PLS1: variants seen among roughly 807,000 people sequenced by gnomAD.
PLS1 encodes the protein plastin-1.
PLS1 carries 32 observed loss-of-function variants against 73.7 expected under a neutral mutation model. The ratio of observed to expected loss-of-function variants is 0.43; its 90% CI spans 0.33 to 0.58. The LOEUF is 0.58. Ranked by LOEUF, PLS1 falls within the 20% of genes least tolerant of loss-of-function variation. The pLI is 0.04. For missense variants in PLS1, 633 were observed against 740.5 expected (o/e 0.85, Z 1.68); for synonymous variants, 217 against 261.3 (o/e 0.83, Z 1.63).
At chr3:142,698,219 A>C (rs559852612) in intron 12 of PLS1, 152 bp downstream of exon 12, 1 of 546,150 alleles carries the variant, frequency 1.8e-6, no homozygotes. Flanking sequence ...AGTTTGCTTT[A>C]ATAAATTTGA....
At position 142,600,876 on chromosome 3, in the gene PLS1, TCATATATATATA is replaced by T. The variant is rs1387611311; in HGVS notation, c.-37+4368_-37+4379del. Among the ~76,000 whole-genome samples the T allele has an allele frequency of 1.2e-3, 80 of 65,460 alleles. 1 individual carries two copies. The highest frequency in any genetic ancestry group is 3.8e-3 in the African/African-American group (58 of 15,210). The allele number at this position is 65,460 out of a possible 152,430, so 42.9% of individuals were successfully genotyped here. A position where few individuals can be genotyped will look rare whatever the true frequency, so the allele number is the denominator to read the frequency against. ...GGGGAAGGGAAGGGTTGGCCTGGTT[TCATATATATATA>T]TATATATATATATATATATATATAT... On this transcript the variant is annotated intron_variant, in intron 1 of 15. Transcript: ENST00000457734.
At chr3:142,659,327 C>G (rs1309191061) in intron 1 of PLS1, among the ~76,000 whole-genome samples, 2 of 151,938 alleles carry the variant, frequency 1.3e-5, no homozygotes, top group Non-Finnish European at 2.9e-5. Context: ...TGAAAAGGTG[C>G]CTTTGTGGAA....
chr3:142,648,040 T>G (rs1484908546), intron 1 of PLS1, among the ~76,000 whole-genome samples: 1 of 152,200 alleles, frequency 6.6e-6, no homozygotes, highest in East Asian at 1.9e-4. Flanking sequence ...ATTGACTCCC[T>G]TACTAAGTTG....
chr3:142,671,388 T>C (rs534284560), intron 4 of PLS1, among the ~76,000 whole-genome samples: 1 of 152,294 alleles, frequency 6.6e-6, no homozygotes, highest in Admixed American at 6.5e-5. Flanking sequence ...AGAAACAAGA[T>C]TATAAACAAC....
chr3:142,702,913 G>A (rs1317356301), intron 12 of PLS1, among the ~76,000 whole-genome samples: 1 of 152,108 alleles, frequency 6.6e-6, no homozygotes, highest in African/African-American at 2.4e-5. Flanking sequence ...TCCTTTAGAA[G>A]AAGCTTATAC....
At chr3:142,696,306 G>A (rs2038200420) in intron 11 of PLS1, among the ~76,000 whole-genome samples, 1 of 152,212 alleles carries the variant, frequency 6.6e-6, no homozygotes, top group African/African-American at 2.4e-5. Context: ...AAAGATATCT[G>A]AAGAATATCT....
intron 1 of PLS1, among the ~76,000 whole-genome samples, chr3:142,610,204 A>C (rs375169277): frequency 6.6e-6 from 1 of 152,176 alleles, no homozygotes; most frequent in East Asian, 1.9e-4. Context: ...GTTAATTTAG[A>C]TTGGGCAGTG....
At chr3:142,653,036 A>G (rs1356077662) in intron 1 of PLS1, among the ~76,000 whole-genome samples, 2 of 152,124 alleles carry the variant, frequency 1.3e-5, no homozygotes, top group South Asian at 4.1e-4. Flanking sequence ...GTCCGCGTCC[A>G]TATTTTTCTT....
At chr3:142,675,819 C>T (rs2037712443) in intron 4 of PLS1, among the ~76,000 whole-genome samples, 2 of 152,110 alleles carry the variant, frequency 1.3e-5, no homozygotes, top group African/African-American at 2.4e-5. Context: ...GGACTATGGG[C>T]ATGTGCCATT....
intron 5 of PLS1, among the ~76,000 whole-genome samples, chr3:142,677,300 C>T (rs957306499): frequency 2.6e-5 from 4 of 151,990 alleles, no homozygotes; most frequent in Admixed American, 6.6e-5. Context: ...TTTTAGGCTG[C>T]GGAATACTGA....
intron 11 of PLS1, among the ~76,000 whole-genome samples, chr3:142,695,761 C>CTTATTTAT (rs55888631): frequency 5.8e-4 from 55 of 94,280 alleles, no homozygotes; most frequent in African/African-American, 1.1e-3. Flanking sequence ...AGGAGACTTA[C>CTTATTTAT]TTATTTATTT....
intron 4 of PLS1, among the ~76,000 whole-genome samples, chr3:142,672,966 C>T (rs2107850482): frequency 6.6e-6 from 1 of 152,316 alleles, no homozygotes; most frequent in East Asian, 1.9e-4. Context: ...AAACTGCTTT[C>T]TATTTCTACA....
intron 10 of PLS1, among the ~76,000 whole-genome samples, chr3:142,694,054 C>G (rs2038141788): frequency 6.6e-6 from 1 of 151,990 alleles, no homozygotes; most frequent in Non-Finnish European, 1.5e-5. Context: ...AGAAACACTG[C>G]ACCGAGAAAG....
chr3:142,669,756 C>T (rs937056426), intron 3 of PLS1, among the ~76,000 whole-genome samples: 2 of 152,090 alleles, frequency 1.3e-5, no homozygotes, highest in Non-Finnish European at 2.9e-5. Context: ...AAATTATTCT[C>T]AAATTGTTGG....
chr3:142,626,503 A>G lies in PLS1; in HGVS notation c.-37+29994A>G, dbSNP rs1232286480. Among the ~76,000 whole-genome samples, 3 of 152,226 alleles carry G rather than the reference A, an allele frequency of 2.0e-5. No homozygotes were observed. In the East Asian group the frequency reaches 5.8e-4, roughly 29 times the overall value. On this transcript the variant is annotated intron_variant, in intron 1 of 15. Transcript: ENST00000457734. ...AAAAGATAAAATAAGACGATTTTTT[A>G]AATCTATTGTTAACTGGAAAGACTT...
At position 142,712,236 on chromosome 3, in the gene PLS1, G is replaced by A. The variant is rs1933166535; in HGVS notation, c.*229G>A. ...GATAATAGAATATATTCATAATCAAGCTGATACTTCATGATTAAATTATTT... is the reference window on the plus strand; with the variant it reads ...GATAATAGAATATATTCATAATCAAACTGATACTTCATGATTAAATTATTT... On this transcript the variant is annotated 3_prime_UTR_variant, in exon 16 of 16. Transcript: ENST00000457734. 2 of 355,378 alleles carry A rather than the reference G, an allele frequency of 5.6e-6. No individual in the cohort carries two copies. The highest frequency in any genetic ancestry group is 4.3e-5 in the Admixed American group (1 of 23,008). 22.0% of individuals were successfully genotyped at this position (355,378 alleles called of 1,614,324 possible).
intron 1 of PLS1, among the ~76,000 whole-genome samples, chr3:142,663,204 G>A (rs1008151690): frequency 2.6e-5 from 4 of 152,018 alleles, no homozygotes; most frequent in African/African-American, 9.7e-5. Flanking sequence ...GAAGAAGTGA[G>A]ACTCTGTCGC....
chr3:142,697,922 C>T (rs1210013194), intron 11 of PLS1, 31 bp from the exon 12 acceptor site: 2 of 1,293,810 alleles, frequency 1.5e-6, no homozygotes, highest in Non-Finnish European at 2.2e-6. Context: ...ACATTTCCTC[C>T]TCCTTTATCT....
chr3:142,675,684 GTT>G (rs370194834), intron 4 of PLS1, among the ~76,000 whole-genome samples: 2 of 141,856 alleles, frequency 1.4e-5, no homozygotes, highest in Admixed American at 1.4e-4. Context: ...CGTGCTCCCC[GTT>G]TTTTTTTTTG....
Sources: gnomAD v4.1 joint callset for allele counts (sites outside exome capture counted in the v4.1 genomes callset) on GRCh38, gnomAD v4.1.1 for gene constraint, MANE v1.5 for transcripts, NCBI Gene and HGNC (gene_info 2026-07-23, HGNC 2026-07-21) for gene names.